The following CHN2 variants were observed in gnomAD, a reference collection of about 807,000 sequenced individuals.
The protein encoded by CHN2 is chimerin 2, also known as beta-chimaerin.
Under a neutral mutation model 56.3 loss-of-function variants are expected in CHN2, and 35 were observed. That is an observed-to-expected ratio of 0.62 (90% CI 0.47 to 0.82). The LOEUF (loss-of-function observed/expected upper bound fraction) is 0.82, where lower values mean the gene tolerates loss of function less well. CHN2 is among the 40% of genes least tolerant of loss of function. CHN2 has a pLI of 0.00. For synonymous variants in CHN2, 210 were observed against 212.8 expected (o/e 0.99, Z 0.12); for missense variants, 491 against 580.5 (o/e 0.85, Z 1.58).
chr7:29,205,035 G>C (rs185986582), intron 1 of CHN2, among the ~76,000 whole-genome samples: 1 of 152,274 alleles, frequency 6.6e-6, no homozygotes, highest in Admixed American at 6.5e-5. Context: ...AGCAGTAAGG[G>C]TATTTTGTAA....
chr7:29,357,241 T>C (rs1332598530), intron 2 of CHN2, among the ~76,000 whole-genome samples: 6 of 152,252 alleles, frequency 3.9e-5, no homozygotes, highest in African/African-American at 1.4e-4. Context: ...AAAGTTCCTC[T>C]TTATTATATC....
chr7:29,413,242 CT>C (rs1204209347), intron 6 of CHN2, among the ~76,000 whole-genome samples: 2 of 152,174 alleles, frequency 1.3e-5, no homozygotes, highest in African/African-American at 4.8e-5. Flanking sequence ...ACACATGCAA[CT>C]TTGATTGTTC....
intron 2 of CHN2, among the ~76,000 whole-genome samples, chr7:29,173,275 G>A (rs1452973967): frequency 6.6e-6 from 1 of 152,126 alleles, no homozygotes; most frequent in South Asian, 2.1e-4. Flanking sequence ...CCTGTAGCTG[G>A]CATTGCCCTG....
At chr7:29,304,840 G>T (rs987429740) in intron 1 of CHN2, among the ~76,000 whole-genome samples, 2 of 152,174 alleles carry the variant, frequency 1.3e-5, no homozygotes, top group Non-Finnish European at 1.5e-5. Flanking sequence ...AATAAGTGTC[G>T]TCTGCATTTT....
chr7:29,211,759 A>G (rs1784977734), intron 1 of CHN2, among the ~76,000 whole-genome samples: 1 of 152,180 alleles, frequency 6.6e-6, no homozygotes, highest in Non-Finnish European at 1.5e-5. Flanking sequence ...GTACTATTTA[A>G]TCATAATGTT....
chr7:29,416,628 G>A (rs1332793835), intron 6 of CHN2, among the ~76,000 whole-genome samples: 2 of 152,198 alleles, frequency 1.3e-5, no homozygotes, highest in Admixed American at 6.5e-5. Flanking sequence ...GACAGCCGAT[G>A]TTGCTGGTCC....
intron 6 of CHN2, among the ~76,000 whole-genome samples, chr7:29,416,176 ATTCT>A (rs1803721492): frequency 6.6e-6 from 1 of 152,212 alleles, no homozygotes; most frequent in South Asian, 2.1e-4. Context: ...GCGTGTTTGC[ATTCT>A]TTCTTCATTC....
At chr7:29,417,469 A>G (rs989291963) in intron 6 of CHN2, among the ~76,000 whole-genome samples, 33 of 151,682 alleles carry the variant, frequency 2.2e-4, no homozygotes, top group East Asian at 5.9e-4. Context: ...CCGAGTAGCT[A>G]GGACTACAGG....
At chr7:29,308,293 T>G (rs1287888604) in intron 1 of CHN2, among the ~76,000 whole-genome samples, 2 of 152,202 alleles carry the variant, frequency 1.3e-5, no homozygotes, top group African/African-American at 4.8e-5. Context: ...TTGAATACCC[T>G]TATTCCAGAT....
rs190460470 is a variant in CHN2 at position 29,189,349 on chromosome 7, T to A, written c.274+42389T>A. Among the ~76,000 whole-genome samples the A allele has an allele frequency of 2.6e-3, 391 of 152,226 alleles. 7 individuals are homozygous for A. The highest frequency in any genetic ancestry group is 2.3e-3 in the East Asian group (12 of 5,164). On this transcript the variant is annotated intron_variant, in intron 2 of 6. Coordinates refer to the CHN2 transcript ENST00000439384. ...CTGAGTGAATTAATGAATGCTTGAA[T>A]AAATGAACAGGTAGTAGAGAATGAA...
chr7:29,322,394 C>T (rs917740458), intron 1 of CHN2, among the ~76,000 whole-genome samples: 2 of 152,136 alleles, frequency 1.3e-5, no homozygotes, highest in African/African-American at 4.8e-5. Context: ...AACCCCACAC[C>T]CCTGTGATGA....
At chr7:29,456,310 A>G (rs754674780) in intron 6 of CHN2, among the ~76,000 whole-genome samples, 2 of 152,150 alleles carry the variant, frequency 1.3e-5, no homozygotes, top group African/African-American at 2.4e-5. Flanking sequence ...TCAGATGTCT[A>G]TCTCCTCAAC....
At chr7:29,149,757 T>C (rs78772325) in intron 2 of CHN2, among the ~76,000 whole-genome samples, 2,575 of 152,216 alleles carry the variant, frequency 0.017, 57 homozygotes, top group African/African-American at 0.058. Flanking sequence ...TTCCTTGGCT[T>C]GTGGCAGCAT....
At chr7:29,257,280 T>C (rs1341155594) in intron 1 of CHN2, among the ~76,000 whole-genome samples, 1 of 152,198 alleles carries the variant, frequency 6.6e-6, no homozygotes, top group Non-Finnish European at 1.5e-5. Context: ...GTCACACCAC[T>C]GTGTCCTATA....
chr7:29,205,987 C>T (rs1784494686), intron 1 of CHN2, among the ~76,000 whole-genome samples: 1 of 152,058 alleles, frequency 6.6e-6, no homozygotes, highest in African/African-American at 2.4e-5. Flanking sequence ...TATTTCATTC[C>T]CTCCTTCCAA....
At chr7:29,187,678 A>C (rs970768577) in intron 2 of CHN2, among the ~76,000 whole-genome samples, 12 of 152,162 alleles carry the variant, frequency 7.9e-5, no homozygotes, top group Non-Finnish European at 1.2e-4. Context: ...CAATGAGCCG[A>C]GATTGCACCA....
intron 1 of CHN2, among the ~76,000 whole-genome samples, chr7:29,234,740 T>C (rs1441403562): frequency 6.6e-6 from 1 of 152,266 alleles, no homozygotes; most frequent in Admixed American, 6.5e-5. Context: ...ATGAGCCTTC[T>C]GTACTCACCA....
intron 6 of CHN2, among the ~76,000 whole-genome samples, chr7:29,414,468 G>A (rs1479275089): frequency 6.6e-6 from 1 of 152,072 alleles, no homozygotes; most frequent in Non-Finnish European, 1.5e-5. Flanking sequence ...CCTCACAACG[G>A]CTCTGAGAGT....
chr7:29,348,595 C>T (rs1057374412), intron 1 of CHN2, among the ~76,000 whole-genome samples: 7 of 152,152 alleles, frequency 4.6e-5, no homozygotes, highest in South Asian at 2.1e-4. Flanking sequence ...CCAAAGGAAT[C>T]GGACATGACC....
Sources: gnomAD v4.1 joint callset for allele counts (sites outside exome capture counted in the v4.1 genomes callset) on GRCh38, gnomAD v4.1.1 for gene constraint, MANE v1.5 for transcripts, NCBI Gene and HGNC (gene_info 2026-07-23, HGNC 2026-07-21) for gene names.